Variants in CAMK2D observed in about 807,000 individuals in gnomAD.
CAMK2D encodes the protein calcium/calmodulin-dependent protein kinase type II subunit delta.
CAMK2D carries 37 observed loss-of-function variants against 84.0 expected under a neutral mutation model. The ratio of observed to expected loss-of-function variants is 0.44; its 90% CI spans 0.34 to 0.58. The LOEUF (loss-of-function observed/expected upper bound fraction) is 0.58. Ranked by LOEUF, CAMK2D falls within the 20% of genes least tolerant of loss-of-function variation. The pLI, the probability that CAMK2D is intolerant of heterozygous loss-of-function variation, is 0.02. For missense variants in CAMK2D, 448 were observed against 652.5 expected (o/e 0.69, Z 3.41); for synonymous variants, 202 against 212.5 (o/e 0.95, Z 0.43).
In CAMK2D at chr4:113,609,203, C is replaced by T. The variant is rs1382307916; in HGVS notation, c.224G>A (p.Arg75Gln). 1.4e-5 allele frequency: 22 copies of T among 1,572,242 alleles called. No individual in the cohort carries two copies. Among genetic ancestry groups the T allele is most frequent in the South Asian group, 6.7e-5 (6 of 90,098 alleles). Reference protein sequence around the residue: ...CRLLKHPNIVRLHDSISEEGF... With the variant: ...CRLLKHPNIVQLHDSISEEGF... ...CTCTTCTGATATGCTATCATGAAGT[C>T]GCACTAGAAAAAAATAAGAGAAGAA... The change falls in exon 4 of 21, where the codon CGA becomes CAA. Residue 75 changes from arginine (R) to glutamine (Q), a missense_variant. Arg to Gln is a conservative substitution (Grantham distance 43). Transcript: ENST00000511664.
At chr4:113,593,872 A>T (rs2098907749) in intron 4 of CAMK2D, among the ~76,000 whole-genome samples, 1 of 152,086 alleles carries the variant, frequency 6.6e-6, no homozygotes, top group South Asian at 2.1e-4. Flanking sequence ...CTTTCCCCAT[A>T]ACTTACCACT....
At chr4:113,468,380 A>G (rs903402213) in intron 16 of CAMK2D, among the ~76,000 whole-genome samples, 5 of 152,166 alleles carry the variant, frequency 3.3e-5, no homozygotes. Context: ...TCACCATAAA[A>G]ACAATGTGAC....
chr4:113,455,897 T>G, intron 19 of CAMK2D, 76 bp from the exon 20 acceptor site: 1 of 849,730 alleles, frequency 1.2e-6, no homozygotes. Flanking sequence ...CCATAAACAC[T>G]TCAGGGAACT....
At chr4:113,523,838 G>C (rs1289300780) in intron 8 of CAMK2D, among the ~76,000 whole-genome samples, 1 of 142,438 alleles carries the variant, frequency 7.0e-6, no homozygotes, top group African/African-American at 2.9e-5. Flanking sequence ...ACATAAAACA[G>C]ATCTTTTTTT....
intron 2 of CAMK2D, among the ~76,000 whole-genome samples, chr4:113,700,242 A>G (rs1445154862): frequency 6.6e-6 from 1 of 152,188 alleles, no homozygotes; most frequent in Admixed American, 6.6e-5. Flanking sequence ...TCATAATTGT[A>G]TATTGTCCAT....
intron 3 of CAMK2D, among the ~76,000 whole-genome samples, chr4:113,625,838 G>C (rs1345042826): frequency 2.0e-5 from 3 of 151,974 alleles, no homozygotes; most frequent in Non-Finnish European, 2.9e-5. Flanking sequence ...AAAATACACT[G>C]TAAGGAAGCA....
chr4:113,661,031 G>A (rs930655824), intron 3 of CAMK2D, among the ~76,000 whole-genome samples: 6 of 151,810 alleles, frequency 4.0e-5, no homozygotes, highest in Non-Finnish European at 7.4e-5. Context: ...TCCTGACCTC[G>A]TGATCCACCC....
intron 8 of CAMK2D, among the ~76,000 whole-genome samples, chr4:113,526,807 A>G (rs2098421489): frequency 3.9e-5 from 6 of 152,142 alleles, no homozygotes. Flanking sequence ...ATAGGTTATT[A>G]AAAATGCAGT....
intron 4 of CAMK2D, among the ~76,000 whole-genome samples, chr4:113,567,065 T>C (rs77168528): frequency 0.012 from 1,890 of 151,514 alleles, 37 homozygotes; most frequent in African/African-American, 0.042. Context: ...GCACTAACAC[T>C]GAGATCAAAC....
chr4:113,726,688 G>A (rs541155239), intron 2 of CAMK2D, among the ~76,000 whole-genome samples: 101 of 152,132 alleles, frequency 6.6e-4, no homozygotes, highest in Middle Eastern at 6.8e-3. Context: ...TTATAGGTGT[G>A]AGCCACCAAG....
intron 4 of CAMK2D, among the ~76,000 whole-genome samples, chr4:113,595,274 G>A (rs1285326422): frequency 6.6e-6 from 1 of 152,118 alleles, no homozygotes; most frequent in African/African-American, 2.4e-5. Context: ...AAGTTTTCAG[G>A]AGAAGAAAAA....
At chr4:113,724,053 C>T (rs2099538883) in intron 2 of CAMK2D, among the ~76,000 whole-genome samples, 1 of 152,050 alleles carries the variant, frequency 6.6e-6, no homozygotes, top group Non-Finnish European at 1.5e-5. Context: ...CTGATATTAA[C>T]ACTACTCAAT....
chr4:113,696,191 CACAG>C (rs1191180549), intron 2 of CAMK2D, among the ~76,000 whole-genome samples: 2 of 61,854 alleles, frequency 3.2e-5, no homozygotes, highest in East Asian at 4.6e-4. Flanking sequence ...CACACAGACA[CACAG>C]ACACACACAC....
intron 2 of CAMK2D, among the ~76,000 whole-genome samples, chr4:113,673,111 T>C (rs1406300305): frequency 1.3e-5 from 2 of 151,770 alleles, no homozygotes; most frequent in Non-Finnish European, 2.9e-5. Flanking sequence ...CAGGATAGAG[T>C]GGTTAGAACA....
chr4:113,692,697 T>C lies in CAMK2D; in HGVS notation c.161-30925A>G, dbSNP rs540904575. ...ATACATACTCATACATACATACATA[T>C]ATTCATACATATTCATATATACATA... is the stretch of plus-strand genomic sequence containing the variant. On this transcript the variant is annotated intron_variant, in intron 2 of 20. Coordinates refer to ENST00000511664, the MANE Select transcript of CAMK2D (RefSeq NM_001321571.2). 2.3e-3 allele frequency among the ~76,000 whole-genome samples: 355 copies of C among 152,020 alleles called. 5 individuals carry two copies. The highest frequency in any genetic ancestry group is 7.6e-3 in the African/African-American group (317 of 41,506).
At chr4:113,465,493 A>G (rs1368768379) in intron 17 of CAMK2D, 36 bp downstream of exon 17, 1 of 1,168,236 alleles carries the variant, frequency 8.6e-7, no homozygotes, top group Non-Finnish European at 1.3e-6. Context: ...TATATTTACC[A>G]TATGCATGAA....
chr4:113,564,683 C>T (rs182400786), intron 4 of CAMK2D, among the ~76,000 whole-genome samples: 3 of 151,918 alleles, frequency 2.0e-5, no homozygotes, highest in Non-Finnish European at 4.4e-5. Context: ...GAACAGTATG[C>T]GAAAGGGAAG....
intron 12 of CAMK2D, among the ~76,000 whole-genome samples, chr4:113,511,738 GTAT>G (rs1335599326): frequency 6.6e-6 from 1 of 152,132 alleles, no homozygotes; most frequent in Non-Finnish European, 1.5e-5. Flanking sequence ...CAGCAACAAG[GTAT>G]TATTACACTA....
intron 2 of CAMK2D, among the ~76,000 whole-genome samples, chr4:113,750,931 G>A (rs1374915009): frequency 6.6e-6 from 1 of 152,108 alleles, no homozygotes; most frequent in Non-Finnish European, 1.5e-5. Context: ...GAGGCAGGAG[G>A]ATCACTTGAG....
Sources: allele counts gnomAD v4.1 joint callset (sites outside exome capture counted in the v4.1 genomes callset), GRCh38; gene constraint gnomAD v4.1.1; transcripts MANE v1.5; gene names NCBI Gene and HGNC (gene_info 2026-07-23, HGNC 2026-07-21).